SORCS1: variants seen among roughly 807,000 people sequenced by gnomAD.
The protein encoded by SORCS1 is sortilin related VPS10 domain containing receptor 1.
In SORCS1, 60 loss-of-function variants were observed where a neutral mutation model predicts 146.1. The ratio of observed to expected loss-of-function variants is 0.41; its 90% CI spans 0.33 to 0.51. SORCS1 has a LOEUF of 0.51. Ranked by LOEUF, SORCS1 falls within the 20% of genes least tolerant of loss-of-function variation. The pLI, the probability that SORCS1 is intolerant of heterozygous loss-of-function variation, is 0.21. For missense variants in SORCS1, 1,352 were observed against 1,487.6 expected, an observed-to-expected ratio of 0.91 and a Z score of 1.50; for synonymous variants, 637 against 584.0, an observed-to-expected ratio of 1.09 and a Z score of -1.31.
chr10:106,989,447 T>C (rs915384352), intron 1 of SORCS1, among the ~76,000 whole-genome samples: 5 of 151,982 alleles, frequency 3.3e-5, no homozygotes, highest in African/African-American at 1.2e-4. Context: ...TCTTCAAGCA[T>C]GATCTGTTCC....
At chr10:106,899,655 T>C (rs967082879) in intron 2 of SORCS1, among the ~76,000 whole-genome samples, 24 of 150,732 alleles carry the variant, frequency 1.6e-4, no homozygotes, top group African/African-American at 5.6e-4. Flanking sequence ...TCTCTATGCT[T>C]CCAGGGCTGC....
At chr10:106,880,368 C>T (rs976866425) in intron 2 of SORCS1, among the ~76,000 whole-genome samples, 2 of 152,084 alleles carry the variant, frequency 1.3e-5, no homozygotes, top group African/African-American at 4.8e-5. Flanking sequence ...AGAAAAAATA[C>T]CTATGAACAT....
At chr10:106,729,917 A>G (rs1379689202) in intron 6 of SORCS1, 133 bp downstream of exon 6, 11 of 1,085,412 alleles carry the variant, frequency 1.0e-5, no homozygotes, top group Non-Finnish European at 1.5e-5. Context: ...CACCCCTGCA[A>G]CCCCAAATCC....
chr10:106,875,029 G>A lies in SORCS1; in HGVS notation c.627-45356C>T, dbSNP rs546688130. On this transcript the variant is annotated intron_variant, in intron 2 of 25. Coordinates refer to ENST00000263054, the MANE Select transcript of SORCS1 (RefSeq NM_052918.5). ...TGGTTGCATGGATGAATTATATAGC[G>A]GTGAATTCTGAGATTTTAGTGCACC... 1.3e-3 allele frequency among the ~76,000 whole-genome samples: 195 copies of A among 152,128 alleles called. 1 individual carries two copies. The highest frequency in any genetic ancestry group is 4.3e-3 in the African/African-American group (178 of 41,508).
chr10:106,761,477 G>T, intron 5 of SORCS1, 111 bp downstream of exon 5: 1 of 893,610 alleles, frequency 1.1e-6, no homozygotes, highest in South Asian at 1.4e-5. Context: ...GTCCCAATAA[G>T]AACAGACCTT....
intron 3 of SORCS1, among the ~76,000 whole-genome samples, chr10:106,785,253 G>A (rs1281126130): frequency 6.6e-6 from 1 of 152,196 alleles, no homozygotes; most frequent in Non-Finnish European, 1.5e-5. Context: ...GATTACAGAA[G>A]AGACTAGAAG....
chr10:107,091,029 T>G (rs1964145783), intron 1 of SORCS1, among the ~76,000 whole-genome samples: 1 of 152,084 alleles, frequency 6.6e-6, no homozygotes, highest in Non-Finnish European at 1.5e-5. Context: ...AAAAGCTCTA[T>G]CTCCATGAGG....
intron 1 of SORCS1, among the ~76,000 whole-genome samples, chr10:107,114,222 TC>T (rs1965878484): frequency 6.6e-6 from 1 of 152,144 alleles, no homozygotes; most frequent in Non-Finnish European, 1.5e-5. Flanking sequence ...CCCATCCTTC[TC>T]AAAGTCTTTC....
intron 1 of SORCS1, among the ~76,000 whole-genome samples, chr10:107,083,110 C>CAAAA (rs538577059): frequency 9.2e-3 from 531 of 58,026 alleles, no homozygotes; most frequent in Middle Eastern, 0.021. Context: ...CTCCAACTCA[C>CAAAA]AAAAAAAAAA....
chr10:106,620,396 G>C, intron 20 of SORCS1, 32 bp downstream of exon 20: 1 of 1,598,040 alleles, frequency 6.3e-7, no homozygotes, highest in Non-Finnish European at 8.6e-7. Context: ...TTGAGCTTCT[G>C]TCCCTAGATC....
chr10:106,966,672 A>G (rs1023024), intron 1 of SORCS1, among the ~76,000 whole-genome samples: 113,907 of 152,048 alleles, frequency 0.75, 42,768 homozygotes, highest in East Asian at 0.85. Context: ...AGCCCTCGTG[A>G]AGAGCAAAAA....
At chr10:106,927,417 C>T (rs190501956) in intron 2 of SORCS1, among the ~76,000 whole-genome samples, 1 of 152,174 alleles carries the variant, frequency 6.6e-6, no homozygotes, top group East Asian at 1.9e-4. Context: ...AAGCTGCAGA[C>T]CTTGGCGGTG....
At chr10:106,741,171 T>C (rs1280804889) in intron 5 of SORCS1, among the ~76,000 whole-genome samples, 1 of 152,112 alleles carries the variant, frequency 6.6e-6, no homozygotes, top group Non-Finnish European at 1.5e-5. Context: ...ACTCAGAGTG[T>C]ATCAAGGTTG....
At chr10:106,663,074 A>G (rs1238961733) in intron 17 of SORCS1, among the ~76,000 whole-genome samples, 1 of 152,216 alleles carries the variant, frequency 6.6e-6, no homozygotes, top group Non-Finnish European at 1.5e-5. Context: ...AACAAGTTTT[A>G]TGGGATGAGA....
Position 106,709,218 on chromosome 10 carries a change from C to A in SORCS1, c.1143+5G>T. On this transcript the variant is annotated splice_donor_5th_base_variant and intron_variant, in intron 7 of 25. Transcript: ENST00000263054. ...AGACAATCAACAGAAGTGGATTTTT[C>A]CTACCTGAACAAACACATAATGATC... The A allele has an allele frequency of 1.2e-6, 2 of 1,606,126 alleles. No individual in the cohort carries two copies. Among genetic ancestry groups the A allele is most frequent in the South Asian group, 1.1e-5 (1 of 90,280 alleles).
At chr10:107,105,619 T>A (rs1435356922) in intron 1 of SORCS1, among the ~76,000 whole-genome samples, 2 of 152,174 alleles carry the variant, frequency 1.3e-5, no homozygotes, top group Non-Finnish European at 2.9e-5. Flanking sequence ...GCACCCAGCA[T>A]GGGAGAAAGA....
chr10:107,170,891 T>C, the SORCS1 span, among the ~76,000 whole-genome samples: 1 of 152,156 alleles, frequency 6.6e-6, no homozygotes, highest in African/African-American at 2.4e-5. Flanking sequence ...GGCAGTACAG[T>C]GTGGGGCTTA....
rs776289707 is a variant in SORCS1, at chr10:106,672,935, T to A, written c.1991A>T (p.Asp664Val). The change falls in exon 15 of 26, where the codon GAT becomes GTT. Residue 664 changes from aspartate (D) to valine (V), a missense_variant. Physicochemically the swap from Asp to Val is radical, Grantham distance 152. This residue lies in a region of SORCS1 where 648 missense variants were observed against 793.8 expected (regional missense o/e 0.82). Transcript: ENST00000263054. ...HRSEWQLVKVDYKSIFDRRCA... is the reference protein window; with the variant it reads ...HRSEWQLVKVVYKSIFDRRCA... ...CCGTCTATCAAAAATGGACTTGTAATCTACTTTGACCAGCTGCCATTCAGA... is the reference window on the plus strand; with the variant it reads ...CCGTCTATCAAAAATGGACTTGTAAACTACTTTGACCAGCTGCCATTCAGA... 6.2e-7 allele frequency: 1 copy of A among 1,614,122 alleles called. No homozygotes were observed. The highest frequency in any genetic ancestry group is 1.1e-5 in the South Asian group (1 of 91,080).
chr10:106,935,467 GC>G (rs1357017609), intron 2 of SORCS1, among the ~76,000 whole-genome samples: 1 of 152,120 alleles, frequency 6.6e-6, no homozygotes, highest in African/African-American at 2.4e-5. Context: ...GGGTCTACCT[GC>G]AGTCAACCAA....
Sources: gnomAD v4.1 joint callset for allele counts (sites outside exome capture counted in the v4.1 genomes callset) on GRCh38, gnomAD v4.1.1 for gene constraint, gnomAD v4.1.1 regional missense constraint, MANE v1.5 for transcripts, NCBI Gene and HGNC (gene_info 2026-07-23, HGNC 2026-07-21) for gene names.